The following NDUFAF2 variants were observed in gnomAD, a reference collection of about 807,000 sequenced individuals.
NDUFAF2 encodes the protein NADH:ubiquinone oxidoreductase complex assembly factor 2, also known as NADH dehydrogenase [ubiquinone] 1 alpha subcomplex assembly factor 2.
A neutral mutation model predicts 22.8 loss-of-function variants in NDUFAF2; 13 were observed. That is an observed-to-expected ratio of 0.57 (90% confidence interval 0.37 to 0.91). NDUFAF2 has a LOEUF of 0.91. Among genes scored for constraint, NDUFAF2 ranks in the 40% least tolerant of loss-of-function variants. NDUFAF2 has a pLI of 0.01. For synonymous variants in NDUFAF2, 53 were observed against 64.2 expected, an observed-to-expected ratio of 0.83 and a Z score of 0.84; for missense variants, 162 against 195.2, an observed-to-expected ratio of 0.83 and a Z score of 1.01.
chr5:61,067,607 C>G (rs1406816174), intron 1 of NDUFAF2, among the ~76,000 whole-genome samples: 3 of 152,048 alleles, frequency 2.0e-5, no homozygotes, highest in Non-Finnish European at 1.5e-5. Context: ...GTGAGTAGTG[C>G]CACAATAAAC....
chr5:60,991,662 A>AT (rs997440894), intron 1 of NDUFAF2, among the ~76,000 whole-genome samples: 1 of 152,112 alleles, frequency 6.6e-6, no homozygotes, highest in Non-Finnish European at 1.5e-5. Context: ...GAATGTATCC[A>AT]TTGTGTATAT....
intron 1 of NDUFAF2, among the ~76,000 whole-genome samples, chr5:61,071,868 C>G (rs1752304012): frequency 6.6e-6 from 1 of 152,188 alleles, no homozygotes; most frequent in Non-Finnish European, 1.5e-5. Context: ...TGTTTTGAAG[C>G]AACCATTTTG....
intron 3 of NDUFAF2, among the ~76,000 whole-genome samples, chr5:61,144,249 A>G (rs1207238074): frequency 1.3e-5 from 2 of 152,124 alleles, no homozygotes; most frequent in Non-Finnish European, 2.9e-5. Flanking sequence ...AAGAATTCTC[A>G]GTTGACTAGG....
In NDUFAF2 at chr5:61,088,486, T is replaced by A. The variant is rs372702666; in HGVS notation, c.218-10506T>A. On this transcript the variant is annotated intron_variant, in intron 2 of 3. Transcript: ENST00000296597. ...ATGTAAACAGACTGGGGAACTTTTATAGGTGATGGAAATGTTCTGTCTGTT... is the reference window on the plus strand; with the variant it reads ...ATGTAAACAGACTGGGGAACTTTTAAAGGTGATGGAAATGTTCTGTCTGTT... Among the ~76,000 whole-genome samples the A allele has an allele frequency of 5.9e-5, 9 of 152,184 alleles. No individual in the cohort carries two copies. In the South Asian group the frequency reaches 1.9e-3, roughly 32 times the overall value.
At chr5:61,113,209 A>G (rs1396964491) in intron 3 of NDUFAF2, among the ~76,000 whole-genome samples, 1 of 152,178 alleles carries the variant, frequency 6.6e-6, no homozygotes, top group Non-Finnish European at 1.5e-5. Flanking sequence ...GGAGTTTTAC[A>G]ATATTCTATA....
At chr5:61,058,553 G>A (rs1004927552) in intron 1 of NDUFAF2, among the ~76,000 whole-genome samples, 2 of 151,866 alleles carry the variant, frequency 1.3e-5, no homozygotes, top group Non-Finnish European at 2.9e-5. Context: ...CTTGTATAAT[G>A]TCTTAAAGCC....
At chr5:61,112,838 C>A (rs1752861695) in intron 3 of NDUFAF2, among the ~76,000 whole-genome samples, 1 of 148,226 alleles carries the variant, frequency 6.7e-6, no homozygotes, top group South Asian at 2.1e-4. Flanking sequence ...TTCTTCCTGT[C>A]TCCCTTTTAG....
chr5:60,965,102 C>G (rs1041862844), intron 1 of NDUFAF2, among the ~76,000 whole-genome samples: 1 of 152,102 alleles, frequency 6.6e-6, no homozygotes, highest in East Asian at 1.9e-4. Context: ...CCAGGTTTTT[C>G]CGATTTTTCA....
At chr5:61,129,923 C>T (rs933872864) in intron 3 of NDUFAF2, among the ~76,000 whole-genome samples, 6 of 152,020 alleles carry the variant, frequency 3.9e-5, no homozygotes, top group Non-Finnish European at 8.8e-5. Flanking sequence ...TCTAATATTA[C>T]AAGTATCCTT....
chr5:60,979,767 C>T (rs1221918898), intron 1 of NDUFAF2, among the ~76,000 whole-genome samples: 1 of 152,144 alleles, frequency 6.6e-6, no homozygotes, highest in Non-Finnish European at 1.5e-5. Context: ...AGGACATAAG[C>T]CTGGCTGGAT....
At chr5:60,951,149 C>T (rs754035647) in intron 1 of NDUFAF2, among the ~76,000 whole-genome samples, 3 of 152,082 alleles carry the variant, frequency 2.0e-5, no homozygotes, top group Non-Finnish European at 4.4e-5. Flanking sequence ...CCTGCCTCAG[C>T]CTCTCGAGTA....
intron 1 of NDUFAF2, among the ~76,000 whole-genome samples, chr5:60,994,008 C>T (rs927607565): frequency 1.3e-5 from 2 of 152,248 alleles, no homozygotes; most frequent in Non-Finnish European, 2.9e-5. Flanking sequence ...GCTATTCATG[C>T]CAAGGGGCGC....
At chr5:61,079,655 C>T (rs184361266) in intron 2 of NDUFAF2, among the ~76,000 whole-genome samples, 34 of 152,336 alleles carry the variant, frequency 2.2e-4, no homozygotes, top group Middle Eastern at 3.4e-3. Context: ...TTCAATCTTT[C>T]ACCATTAAAT....
intron 3 of NDUFAF2, among the ~76,000 whole-genome samples, chr5:61,108,963 A>C (rs1479930011): frequency 6.6e-6 from 1 of 152,076 alleles, no homozygotes; most frequent in Non-Finnish European, 1.5e-5. Context: ...GTTCCATAAT[A>C]ATTTTAGAAT....
chr5:61,086,218 G>A (rs1752504130), intron 2 of NDUFAF2, among the ~76,000 whole-genome samples: 1 of 152,228 alleles, frequency 6.6e-6, no homozygotes, highest in Non-Finnish European at 1.5e-5. Flanking sequence ...TAGATCAGAA[G>A]AGTTAATATT....
chr5:60,982,324 C>A (rs1474628347), intron 1 of NDUFAF2, among the ~76,000 whole-genome samples: 1 of 152,082 alleles, frequency 6.6e-6, no homozygotes, highest in Non-Finnish European at 1.5e-5. Context: ...AGGAGCAAGT[C>A]ATATCTTACA....
chr5:61,020,887 G>T (rs1751573561), intron 1 of NDUFAF2, among the ~76,000 whole-genome samples: 1 of 151,868 alleles, frequency 6.6e-6, no homozygotes, highest in African/African-American at 2.4e-5. Context: ...GTAGAGATGG[G>T]GTTTCATCAT....
At chr5:61,043,768 A>G (rs1751913254) in intron 1 of NDUFAF2, among the ~76,000 whole-genome samples, 1 of 151,970 alleles carries the variant, frequency 6.6e-6, no homozygotes, top group Non-Finnish European at 1.5e-5. Context: ...CCATTGATGG[A>G]CACTTAGGTT....
chr5:60,962,558 C>T (rs1471845494), intron 1 of NDUFAF2, among the ~76,000 whole-genome samples: 1 of 152,146 alleles, frequency 6.6e-6, no homozygotes, highest in Non-Finnish European at 1.5e-5. Context: ...TAGAAAATTG[C>T]GTGGTGGCTC....
Sources: allele counts gnomAD v4.1 joint callset (sites outside exome capture counted in the v4.1 genomes callset), GRCh38; gene constraint gnomAD v4.1.1; transcripts MANE v1.5; gene names NCBI Gene and HGNC (gene_info 2026-07-23, HGNC 2026-07-21).